Variants in STAU2 observed in about 807,000 individuals in gnomAD.
The protein encoded by STAU2 is double-stranded RNA-binding protein Staufen homolog 2.
In STAU2, 20 loss-of-function variants were observed where a neutral mutation model predicts 65.9. The ratio of observed to expected loss-of-function variants is 0.30; its 90% confidence interval spans 0.21 to 0.44. STAU2 has a LOEUF of 0.44. Among genes scored for constraint, STAU2 ranks in the 20% least tolerant of loss-of-function variants. The pLI, the probability that STAU2 is intolerant of heterozygous loss-of-function variation, is 1.00. For missense variants in STAU2, 558 were observed against 683.9 expected (o/e 0.82, Z 2.05); for synonymous variants, 232 against 233.9 (o/e 0.99, Z 0.07).
chr8:73,655,891 GCCCGCCTCGGCCTC>G (rs1816334082), intron 6 of STAU2, among the ~76,000 whole-genome samples: 1 of 151,570 alleles, frequency 6.6e-6, no homozygotes, highest in Admixed American at 6.6e-5. Context: ...CTCGTGATTC[GCCCGCCTCGGCCTC>G]CCAAAGTGCT....
intron 10 of STAU2, 109 bp downstream of exon 10, chr8:73,603,617 A>G: frequency 3.6e-6 from 5 of 1,399,218 alleles, no homozygotes; most frequent in South Asian, 1.5e-5. Flanking sequence ...CTTTAACTGG[A>G]AACAGTTTTA....
At chr8:73,502,618 G>C (rs1338194130) in intron 13 of STAU2, among the ~76,000 whole-genome samples, 1 of 151,946 alleles carries the variant, frequency 6.6e-6, no homozygotes, top group Non-Finnish European at 1.5e-5. Context: ...TTTCTCTATT[G>C]CCTAGAGGGA....
chr8:73,735,499 A>G (rs1047320688), intron 3 of STAU2, among the ~76,000 whole-genome samples: 1 of 152,164 alleles, frequency 6.6e-6, no homozygotes, highest in Non-Finnish European at 1.5e-5. Context: ...AAGATTTCAA[A>G]CTTCTTTTGT....
chr8:73,686,736 T>TA (rs1181396618), intron 5 of STAU2, among the ~76,000 whole-genome samples: 17 of 140,732 alleles, frequency 1.2e-4, no homozygotes, highest in South Asian at 4.5e-4. Context: ...ACTATTGAAA[T>TA]AAAAAAAAAA....
chr8:73,584,186 CT>C (rs1263074328), intron 11 of STAU2, among the ~76,000 whole-genome samples: 1 of 152,126 alleles, frequency 6.6e-6, no homozygotes, highest in Non-Finnish European at 1.5e-5. Flanking sequence ...TTCATATGAA[CT>C]AGGGAGCATC....
intron 10 of STAU2, among the ~76,000 whole-genome samples, chr8:73,596,858 TAAAATTA>T (rs933464758): frequency 2.0e-5 from 3 of 152,072 alleles, no homozygotes; most frequent in African/African-American, 7.2e-5. Flanking sequence ...CTAAAAAAAT[TAAAATTA>T]AAAATTAAAA....
At chr8:73,715,030 C>A (rs1011095490) in intron 3 of STAU2, among the ~76,000 whole-genome samples, 1 of 150,236 alleles carries the variant, frequency 6.7e-6, no homozygotes, top group Non-Finnish European at 1.5e-5. Flanking sequence ...GCAAGTGGAA[C>A]CAAGATCGCA....
At chr8:73,447,846 G>C (rs1291548243) in intron 13 of STAU2, among the ~76,000 whole-genome samples, 1 of 152,306 alleles carries the variant, frequency 6.6e-6, no homozygotes, top group East Asian at 1.9e-4. Context: ...AGGAAATGAA[G>C]TGAGATTATC....
chr8:73,625,934 T>C (rs575086869), intron 6 of STAU2, among the ~76,000 whole-genome samples: 1 of 152,150 alleles, frequency 6.6e-6, no homozygotes, highest in Non-Finnish European at 1.5e-5. Flanking sequence ...CCTACTCTTG[T>C]CTAATTGCTA....
At chr8:73,458,154 G>A (rs1819167044) in intron 13 of STAU2, among the ~76,000 whole-genome samples, 1 of 152,090 alleles carries the variant, frequency 6.6e-6, no homozygotes, top group Non-Finnish European at 1.5e-5. Flanking sequence ...AACCTCACAG[G>A]AAGAACTACT....
intron 11 of STAU2, among the ~76,000 whole-genome samples, chr8:73,585,442 T>C (rs1293406694): frequency 3.9e-5 from 6 of 152,246 alleles, no homozygotes; most frequent in South Asian, 2.1e-4. Flanking sequence ...ATCGTGCCAT[T>C]GCACACCAGC....
chr8:73,627,208 CGGGGGGGGGGGGGGAG>C (rs1204599649), intron 6 of STAU2, among the ~76,000 whole-genome samples: 1 of 2,280 alleles, frequency 4.4e-4, no homozygotes, highest in Non-Finnish European at 6.8e-3. Context: ...AGGAATACGG[CGGGGGGGGGGGGGGAG>C]GGGGGGGCAG....
At chr8:73,477,677 A>T (rs1290530821) in intron 13 of STAU2, among the ~76,000 whole-genome samples, 1 of 152,186 alleles carries the variant, frequency 6.6e-6, no homozygotes, top group Admixed American at 6.5e-5. Flanking sequence ...CAGTAGACGG[A>T]CAGAAGTTCT....
At chr8:73,514,848 C>T (rs1254129016) in intron 13 of STAU2, among the ~76,000 whole-genome samples, 1 of 152,092 alleles carries the variant, frequency 6.6e-6, no homozygotes, top group Admixed American at 6.5e-5. Flanking sequence ...TTGAGCACAA[C>T]TTACAGAGAC....
intron 3 of STAU2, among the ~76,000 whole-genome samples, chr8:73,717,797 C>CT (rs34464864): frequency 0.28 from 41,831 of 151,836 alleles, 6,245 homozygotes; most frequent in East Asian, 0.45. Context: ...TATTTTACAG[C>CT]TTTTAATTCT....
In STAU2 at chr8:73,603,729, C is replaced by T. The variant is rs765065348; in HGVS notation, c.1026G>A (p.Met342Ile). 3.1e-6 allele frequency: 5 copies of T among 1,610,732 alleles called. No homozygotes were observed. In the Admixed American group the frequency reaches 8.4e-5, roughly 27 times the overall value. The change falls in exon 10 of 15, where the codon ATG becomes ATA. Residue 342 changes from methionine to isoleucine, a missense_variant. By Grantham distance (10) the Met-to-Ile change is conservative (BLOSUM62 1). Transcript: ENST00000524300. ...RGMPRRREFVMQVKVGNEVAT... is the reference protein window; with the variant it reads ...RGMPRRREFVIQVKVGNEVAT... ...AGTTTTAAAAGGTTAGAAATACCTG[C>T]ATCACAAATTCTCGACGTCGAGGCA...
intron 6 of STAU2, among the ~76,000 whole-genome samples, chr8:73,657,945 C>T (rs1432351798): frequency 6.6e-6 from 1 of 151,720 alleles, no homozygotes; most frequent in African/African-American, 2.4e-5. Context: ...ACCCAGGAGG[C>T]GGAGGTTGCA....
chr8:73,490,927 C>T (rs969261911), intron 13 of STAU2, among the ~76,000 whole-genome samples: 2 of 151,892 alleles, frequency 1.3e-5, no homozygotes, highest in Admixed American at 6.6e-5. Flanking sequence ...GTTTTAAAGT[C>T]GTAAGTTCTT....
At chr8:73,554,555 G>C (rs1437981462) in intron 12 of STAU2, among the ~76,000 whole-genome samples, 2 of 152,172 alleles carry the variant, frequency 1.3e-5, no homozygotes, top group African/African-American at 4.8e-5. Context: ...CTGTGAGGAG[G>C]GATTATGGCA....
Sources: gnomAD v4.1 joint callset for allele counts (sites outside exome capture counted in the v4.1 genomes callset) on GRCh38, gnomAD v4.1.1 for gene constraint, MANE v1.5 for transcripts, NCBI Gene and HGNC (gene_info 2026-07-23, HGNC 2026-07-21) for gene names.